FGF14: variants seen among roughly 807,000 people sequenced by gnomAD.
FGF14 encodes the protein fibroblast growth factor homologous factor 4.
In FGF14, 5 loss-of-function variants were observed where a neutral mutation model predicts 25.5. The ratio of observed to expected loss-of-function variants is 0.20; its 90% confidence interval spans 0.10 to 0.41. The LOEUF (loss-of-function observed/expected upper bound fraction) is 0.41. Ranked by LOEUF, FGF14 falls within the 10% of genes least tolerant of loss-of-function variation. FGF14 has a pLI of 1.00. For missense variants in FGF14, 222 were observed against 320.1 expected, an observed-to-expected ratio of 0.69 and a Z score of 2.34; for synonymous variants, 138 against 118.3, an observed-to-expected ratio of 1.17 and a Z score of -1.08.
intron 3 of FGF14, among the ~76,000 whole-genome samples, chr13:101,795,828 A>T (rs2040488244): frequency 6.6e-6 from 1 of 152,150 alleles, no homozygotes; most frequent in Non-Finnish European, 1.5e-5. Context: ...AGCCATGTTA[A>T]TCCAAAAAGT....
intron 1 of FGF14, among the ~76,000 whole-genome samples, chr13:102,140,043 A>ACCCCC (rs35520744): frequency 1.2e-5 from 1 of 82,456 alleles, no homozygotes; most frequent in African/African-American, 5.0e-5. Flanking sequence ...ACTCTTCAAG[A>ACCCCC]CCCCCCCCCC....
intron 1 of FGF14, among the ~76,000 whole-genome samples, chr13:101,888,826 G>A (rs765601379): frequency 3.2e-4 from 46 of 143,170 alleles, no homozygotes; most frequent in Admixed American, 7.8e-4. Context: ...TGTGTCTAAT[G>A]GTGTGAAAGC....
intron 1 of FGF14, among the ~76,000 whole-genome samples, chr13:102,328,523 C>T (rs2056533880): frequency 1.3e-5 from 2 of 152,158 alleles, no homozygotes; most frequent in Admixed American, 1.3e-4. Flanking sequence ...ATTAGTCTGC[C>T]CCTCTAGACT....
At chr13:102,261,788 A>G (rs1161641433) in intron 1 of FGF14, among the ~76,000 whole-genome samples, 1 of 152,218 alleles carries the variant, frequency 6.6e-6, no homozygotes, top group African/African-American at 2.4e-5. Context: ...TTAAATAAAG[A>G]AGAAAATATT....
intron 1 of FGF14, among the ~76,000 whole-genome samples, chr13:101,941,117 G>C (rs577813795): frequency 6.6e-6 from 1 of 152,208 alleles, no homozygotes; most frequent in Non-Finnish European, 1.5e-5. Flanking sequence ...AAACTACTCA[G>C]TCCTGATGTC....
intron 1 of FGF14, among the ~76,000 whole-genome samples, chr13:101,906,969 A>C (rs1373749825): frequency 6.6e-6 from 1 of 152,130 alleles, no homozygotes; most frequent in African/African-American, 2.4e-5. Flanking sequence ...GTTTATGACT[A>C]TTTCTTTCTA....
chr13:102,035,036 C>T (rs1214851673), intron 1 of FGF14, among the ~76,000 whole-genome samples: 1 of 152,036 alleles, frequency 6.6e-6, no homozygotes, highest in Non-Finnish European at 1.5e-5. Flanking sequence ...AACAATGAAA[C>T]TCATCCTAAG....
At chr13:102,301,514 G>A (rs1319200579) in intron 1 of FGF14, among the ~76,000 whole-genome samples, 1 of 152,086 alleles carries the variant, frequency 6.6e-6, no homozygotes, top group Admixed American at 6.5e-5. Flanking sequence ...ATTAATAAAG[G>A]AGGTGGATTA....
chr13:101,729,226 A>G (rs1364906441), intron 3 of FGF14, among the ~76,000 whole-genome samples: 1 of 152,096 alleles, frequency 6.6e-6, no homozygotes, highest in Non-Finnish European at 1.5e-5. Flanking sequence ...CAGCCTTCTT[A>G]TTTGTGGCTA....
intron 1 of FGF14, among the ~76,000 whole-genome samples, chr13:102,112,650 A>C (rs2045289432): frequency 6.6e-6 from 1 of 152,196 alleles, no homozygotes; most frequent in Non-Finnish European, 1.5e-5. Flanking sequence ...GATATGATTA[A>C]ATAGTTAATG....
chr13:102,233,451 C>T (rs1311235907), intron 1 of FGF14, among the ~76,000 whole-genome samples: 2 of 151,386 alleles, frequency 1.3e-5, no homozygotes, highest in African/African-American at 4.9e-5. Flanking sequence ...ATTTAACTTG[C>T]TTTTTTTTGT....
At chr13:101,989,333 C>A (rs1268327621) in intron 1 of FGF14, among the ~76,000 whole-genome samples, 1 of 152,072 alleles carries the variant, frequency 6.6e-6, no homozygotes, top group Non-Finnish European at 1.5e-5. Context: ...TTATGCCTTT[C>A]ATATTCACCT....
At chr13:102,319,534 G>A (rs1304298006) in intron 1 of FGF14, among the ~76,000 whole-genome samples, 1 of 152,226 alleles carries the variant, frequency 6.6e-6, no homozygotes, top group Non-Finnish European at 1.5e-5. Flanking sequence ...GTGAGGCATG[G>A]CCAGTGGGAG....
At chr13:102,103,132 G>T (rs1414233418) in intron 1 of FGF14, among the ~76,000 whole-genome samples, 1 of 152,154 alleles carries the variant, frequency 6.6e-6, no homozygotes, top group African/African-American at 2.4e-5. Context: ...AAGAGGTGAG[G>T]ACAGAAAGAA....
intron 1 of FGF14, among the ~76,000 whole-genome samples, chr13:102,121,542 TTTAA>T (rs1259352685): frequency 1.3e-5 from 2 of 152,206 alleles, no homozygotes; most frequent in African/African-American, 2.4e-5. Context: ...ATGAAAATTA[TTTAA>T]TTAAGTTTTT....
chr13:101,851,505 G>T (rs1221707748), intron 3 of FGF14, among the ~76,000 whole-genome samples: 1 of 152,030 alleles, frequency 6.6e-6, no homozygotes. Flanking sequence ...CCAGTCACTT[G>T]CATTTAAGCA....
intron 1 of FGF14, among the ~76,000 whole-genome samples, chr13:102,162,859 A>T (rs2047837248): frequency 1.3e-5 from 2 of 152,118 alleles, no homozygotes; most frequent in African/African-American, 4.8e-5. Context: ...GGAGGATACT[A>T]GAAGTCTGGT....
At chr13:102,041,210 G>GA (rs1010133733) in intron 1 of FGF14, among the ~76,000 whole-genome samples, 15 of 151,958 alleles carry the variant, frequency 9.9e-5, no homozygotes, top group African/African-American at 3.6e-4. Context: ...AAAAGAGCAA[G>GA]AAAAATATAA....
chr13:102,161,696 A>C (rs1252088375), intron 1 of FGF14, among the ~76,000 whole-genome samples: 2 of 83,344 alleles, frequency 2.4e-5, no homozygotes, highest in Admixed American at 1.5e-4. Context: ...AAGAAGAAGA[A>C]GAAGAAGAAG....
Sources: gnomAD v4.1 joint callset for allele counts (sites outside exome capture counted in the v4.1 genomes callset) on GRCh38, gnomAD v4.1.1 for gene constraint, MANE v1.5 for transcripts, NCBI Gene and HGNC (gene_info 2026-07-23, HGNC 2026-07-21) for gene names.